ACVR1C: variants seen among roughly 807,000 people sequenced by gnomAD.
The protein encoded by ACVR1C is activin A receptor type 1C, also known as activin receptor type-1C.
In ACVR1C, 23 loss-of-function variants were observed where a neutral mutation model predicts 57.9. The ratio of observed to expected loss-of-function variants is 0.40; its 90% CI spans 0.29 to 0.56. The LOEUF (loss-of-function observed/expected upper bound fraction) is 0.56, where lower values mean the gene tolerates loss of function less well. ACVR1C is among the 20% of genes least tolerant of loss of function. The pLI, the probability that ACVR1C is intolerant of heterozygous loss-of-function variation, is 0.50. For synonymous variants in ACVR1C, 214 were observed against 215.3 expected (o/e 0.99, Z 0.05); for missense variants, 480 against 607.9 (o/e 0.79, Z 2.21).
At chr2:157,560,085 T>C (rs1391151947) in intron 2 of ACVR1C, among the ~76,000 whole-genome samples, 1 of 152,160 alleles carries the variant, frequency 6.6e-6, no homozygotes, top group East Asian at 1.9e-4. Flanking sequence ...ATTGTGAAAG[T>C]CACTGGTGGT....
At chr2:157,538,491 A>C in intron 8 of ACVR1C, 82 bp downstream of exon 8, 1 of 1,282,478 alleles carries the variant, frequency 7.8e-7, no homozygotes, top group Non-Finnish European at 1.0e-6. Flanking sequence ...GAATTGGAAA[A>C]ACTATATGGT....
chr2:157,605,662 T>C (rs1174545421), intron 1 of ACVR1C, among the ~76,000 whole-genome samples: 1 of 151,684 alleles, frequency 6.6e-6, no homozygotes, highest in Non-Finnish European at 1.5e-5. Context: ...TACTTCATTT[T>C]ACTTTTACTT....
intron 8 of ACVR1C, among the ~76,000 whole-genome samples, chr2:157,537,242 T>C (rs1263779834): frequency 1.3e-5 from 2 of 152,040 alleles, no homozygotes; most frequent in African/African-American, 2.4e-5. Flanking sequence ...AAATAATTGA[T>C]TATAATATAA....
chr2:157,559,452 G>A (rs1573919637), intron 2 of ACVR1C, among the ~76,000 whole-genome samples: 1 of 152,070 alleles, frequency 6.6e-6, no homozygotes, highest in African/African-American at 2.4e-5. Flanking sequence ...AGCGAATCAG[G>A]GTACAAGAAA....
intron 1 of ACVR1C, among the ~76,000 whole-genome samples, chr2:157,600,700 G>C (rs1007506529): frequency 2.0e-5 from 3 of 152,116 alleles, no homozygotes; most frequent in African/African-American, 7.2e-5. Context: ...ATAAGAAGCT[G>C]ATCTAGCTAA....
intron 4 of ACVR1C, among the ~76,000 whole-genome samples, chr2:157,546,542 T>C (rs955496984): frequency 1.3e-5 from 2 of 152,158 alleles, no homozygotes; most frequent in African/African-American, 4.8e-5. Context: ...TAATAGATAA[T>C]TTGTCTTAAC....
At chr2:157,598,029 C>T (rs1365386218) in intron 1 of ACVR1C, among the ~76,000 whole-genome samples, 1 of 152,072 alleles carries the variant, frequency 6.6e-6, no homozygotes, top group Non-Finnish European at 1.5e-5. Context: ...TTTGCATATT[C>T]ACATAGGTCC....
rs923027859 is a variant in ACVR1C, at chr2:157,527,639, A to C, written c.*6279T>G. 2.0e-5 allele frequency: 3 copies of C among 152,214 alleles called. No homozygotes were observed. The highest frequency in any genetic ancestry group is 7.2e-5 in the African/African-American group (3 of 41,458). 9.4% of individuals were successfully genotyped at this position (152,214 alleles called of 1,614,324 possible). The stretch of plus-strand genomic sequence containing the variant: ...CTCCAGTCTAGAATCAGAAGAGTAC[A>C]TGAGCTTGACACTAGTCATTGCGGA... On this transcript the variant is annotated 3_prime_UTR_variant, in exon 9 of 9. Transcript: ENST00000243349.
chr2:157,541,013 GA>G, intron 7 of ACVR1C, 76 bp downstream of exon 7: 3 of 1,499,590 alleles, frequency 2.0e-6, no homozygotes, highest in Non-Finnish European at 2.7e-6. Context: ...GTGCTTAGGG[GA>G]AAAAGATAGA....
At chr2:157,550,087 AC>A in intron 4 of ACVR1C, 74 bp downstream of exon 4, 2 of 1,315,864 alleles carry the variant, frequency 1.5e-6, no homozygotes, top group Non-Finnish European at 2.1e-6. Flanking sequence ...ATACTAGACA[AC>A]ATTTTTTTTT....
chr2:157,626,983 C>A (rs1238708920), intron 1 of ACVR1C, among the ~76,000 whole-genome samples: 1 of 152,002 alleles, frequency 6.6e-6, no homozygotes, highest in Non-Finnish European at 1.5e-5. Context: ...AGTTTCCATG[C>A]CTTTTCAAGA....
rs1558974863 is a variant in ACVR1C at position 157,554,217 on chromosome 2, A to AAGAAAGAAAGAAAGAG, written c.544+1875_544+1876insCTCTTTCTTTCTTTCT. ...TAAAGAAGAGAGAAAGAAAGAAAGA[A>AAGAAAGAAAGAAAGAG]AGAAAGAAAGAAAGAAAGAAAGAAA... On this transcript the variant is annotated intron_variant, in intron 3 of 8. Coordinates refer to ENST00000243349, the MANE Select transcript of ACVR1C (RefSeq NM_145259.3). 7.9e-4 allele frequency among the ~76,000 whole-genome samples: 82 copies of AAGAAAGAAAGAAAGAG among 104,432 alleles called. 3 individuals are homozygous for AAGAAAGAAAGAAAGAG. The highest frequency in any genetic ancestry group is 3.5e-3 in the African/African-American group (76 of 21,586). 68.5% of individuals were successfully genotyped at this position (104,432 alleles called of 152,430 possible). A position where few individuals can be genotyped will look rare whatever the true frequency, so the allele number is the denominator to read the frequency against.
intron 1 of ACVR1C, among the ~76,000 whole-genome samples, chr2:157,604,839 G>T (rs1192632330): frequency 6.6e-6 from 1 of 151,768 alleles, no homozygotes; most frequent in Non-Finnish European, 1.5e-5. Flanking sequence ...TTCCTGGCCT[G>T]CATCTTGTCT....
At chr2:157,613,343 A>G (rs1335871879) in intron 1 of ACVR1C, among the ~76,000 whole-genome samples, 1 of 152,168 alleles carries the variant, frequency 6.6e-6, no homozygotes, top group African/African-American at 2.4e-5. Context: ...TATACTTTAA[A>G]TAATCTCTAG....
At chr2:157,566,675 C>T (rs892667150) in intron 2 of ACVR1C, among the ~76,000 whole-genome samples, 8 of 151,554 alleles carry the variant, frequency 5.3e-5, no homozygotes, top group Non-Finnish European at 1.2e-4. Flanking sequence ...CGGCGCACCA[C>T]GAGACTATAT....
At chr2:157,573,165 T>C (rs1318632446) in intron 2 of ACVR1C, among the ~76,000 whole-genome samples, 1 of 152,240 alleles carries the variant, frequency 6.6e-6, no homozygotes, top group Non-Finnish European at 1.5e-5. Flanking sequence ...TTTAATGTTT[T>C]GGCAGTTTAT....
At chr2:157,577,222 G>A (rs1371781918) in intron 2 of ACVR1C, among the ~76,000 whole-genome samples, 2 of 151,468 alleles carry the variant, frequency 1.3e-5, no homozygotes, top group South Asian at 2.1e-4. Flanking sequence ...CTTTAATATC[G>A]CAAGACTATT....
chr2:157,556,502 A>T (rs2105225575), intron 2 of ACVR1C, among the ~76,000 whole-genome samples, 170 bp from the exon 3 acceptor site: 1 of 152,228 alleles, frequency 6.6e-6, no homozygotes, highest in Non-Finnish European at 1.5e-5. Context: ...GGAGAAAAAA[A>T]ATGAGATTAG....
intron 2 of ACVR1C, among the ~76,000 whole-genome samples, chr2:157,560,869 T>C (rs1688217794): frequency 6.6e-6 from 1 of 152,194 alleles, no homozygotes; most frequent in African/African-American, 2.4e-5. Flanking sequence ...ATCAATTGCT[T>C]CAAATAATTC....
Sources: allele counts gnomAD v4.1 joint callset (sites outside exome capture counted in the v4.1 genomes callset), GRCh38; gene constraint gnomAD v4.1.1; transcripts MANE v1.5; gene names NCBI Gene and HGNC (gene_info 2026-07-23, HGNC 2026-07-21).